ABCC8: variants seen among roughly 807,000 people sequenced by gnomAD.
ABCC8 encodes ATP binding cassette subfamily C member 8.
A neutral mutation model predicts 188.0 loss-of-function variants in ABCC8; 137 were observed. The observed-to-expected ratio is 0.73, with a 90% CI of 0.63 to 0.84. ABCC8 has a LOEUF of 0.84. Among genes scored for constraint, ABCC8 ranks in the 40% least tolerant of loss-of-function variants. The pLI, the probability that ABCC8 is intolerant of heterozygous loss-of-function variation, is 0.00. For synonymous variants in ABCC8, 797 were observed against 846.5 expected (o/e 0.94, Z 1.01); for missense variants, 1,750 against 2,072.7 (o/e 0.84, Z 3.02).
intron 5 of ABCC8, chr11:17,461,110 C>A (rs1053381095): frequency 3.2e-5 from 11 of 339,384 alleles, no homozygotes; most frequent in Non-Finnish European, 6.2e-5. Flanking sequence ...CAGCTCTGGG[C>A]AGGTCACAGC....
In ABCC8 at chr11:17,404,576, C is replaced by T. The variant is rs769818698; in HGVS notation, c.3493G>A (p.Val1165Met). The T allele has an allele frequency of 3.9e-5, 63 of 1,613,884 alleles. No homozygotes were observed. Among genetic ancestry groups the T allele is most frequent in the South Asian group, 3.7e-4 (34 of 91,080 alleles). Residue 1165 changes from valine (V) to methionine (M), a missense_variant, in exon 28 of 39, where the codon GTG becomes ATG. Val to Met is a conservative substitution (Grantham distance 21, BLOSUM62 1). Coordinates refer to ENST00000389817, the MANE Select transcript of ABCC8 (RefSeq NM_000352.6). This position sits in a 1 kb window ranked among gnomAD's most constrained non-coding sequence, Gnocchi z 4.7. ...ACGATGGCCAGGGGCAAGAGGGCCA[C>T]GAGGAACACAGGTGTGACATAGGAG... ...VISYVTPVFLVALLPLAIVCY... is the reference protein window; with the variant it reads ...VISYVTPVFLMALLPLAIVCY...
At chr11:17,444,159 C>T in intron 8 of ABCC8, 1 of 152,346 alleles carries the variant, frequency 6.6e-6, no homozygotes, top group Non-Finnish European at 1.5e-5. Context: ...TCACAGAATG[C>T]CTCCTGGCTT....
chr11:17,409,327 C>T lies in ABCC8; in HGVS notation c.2695-810G>A, dbSNP rs542152988. Among the ~76,000 whole-genome samples the T allele has an allele frequency of 6.6e-5, 10 of 152,196 alleles. 1 individual carries two copies. In the South Asian group the frequency reaches 2.1e-3, roughly 32 times the overall value. On this transcript the variant is annotated intron_variant, in intron 22 of 38. Coordinates refer to ENST00000389817, the MANE Select transcript of ABCC8 (RefSeq NM_000352.6). ...ACCTGACATTAATTCAGACACCCAC[C>T]CCTGCTGCCCTCACCCCCTCCCGCC...
intron 12 of ABCC8, 110 bp from the exon 13 acceptor site, chr11:17,428,780 T>C: frequency 6.5e-7 from 1 of 1,544,280 alleles, no homozygotes; most frequent in Non-Finnish European, 8.7e-7. Flanking sequence ...TGAAGTATAG[T>C]CCCACAAAGC....
chr11:17,442,341 G>C (rs1956348457), intron 10 of ABCC8, among the ~76,000 whole-genome samples: 1 of 152,194 alleles, frequency 6.6e-6, no homozygotes, highest in Non-Finnish European at 1.5e-5. Context: ...TGACAGCTCA[G>C]TCTGACTTAC....
At chr11:17,466,854 C>T (rs115250612) in intron 3 of ABCC8, among the ~76,000 whole-genome samples, 4,004 of 151,958 alleles carry the variant, frequency 0.026, 191 homozygotes, top group African/African-American at 0.092. Context: ...TTTGTAGAGA[C>T]GGGGTTTTGG....
intron 21 of ABCC8, 26 bp downstream of exon 21, chr11:17,412,640 A>G (rs1954868434): frequency 6.2e-7 from 1 of 1,602,860 alleles, no homozygotes; most frequent in Non-Finnish European, 8.5e-7. Context: ...GCCAGAGACC[A>G]GGACCCCAAG....
intron 8 of ABCC8, among the ~76,000 whole-genome samples, chr11:17,447,589 C>T (rs1290995821): frequency 6.6e-6 from 1 of 152,094 alleles, no homozygotes; most frequent in Admixed American, 6.5e-5. Context: ...CCACATCTGG[C>T]TAAAAAACAC....
intron 35 of ABCC8, 132 bp downstream of exon 35, chr11:17,395,478 G>A (rs772627156): frequency 1.4e-6 from 2 of 1,463,542 alleles, no homozygotes; most frequent in South Asian, 2.6e-5. Context: ...GGCCTGATGG[G>A]ATGGAGAAGG....
chr11:17,420,526 G>A (rs982932122), intron 16 of ABCC8, among the ~76,000 whole-genome samples: 8 of 152,148 alleles, frequency 5.3e-5, no homozygotes, highest in Non-Finnish European at 1.2e-4. Flanking sequence ...CTCCCCAAAG[G>A]CTCCAGGAAT....
chr11:17,471,020 C>T (rs1210131676), intron 2 of ABCC8, among the ~76,000 whole-genome samples: 1 of 152,260 alleles, frequency 6.6e-6, no homozygotes, highest in Non-Finnish European at 1.5e-5. Context: ...AAGGCCCAGG[C>T]TATGTGGCCT....
intron 2 of ABCC8, among the ~76,000 whole-genome samples, chr11:17,474,155 A>G (rs1332309944): frequency 3.3e-5 from 5 of 152,136 alleles, no homozygotes; most frequent in Non-Finnish European, 7.4e-5. Context: ...CTCACCTCCC[A>G]GAGTACTTAT....
At chr11:17,394,946 G>A (rs1000257802) in intron 36 of ABCC8, 13 of 604,700 alleles carry the variant, frequency 2.1e-5, no homozygotes, top group African/African-American at 1.5e-4. Context: ...GACTGTACCC[G>A]CTGTACCCTG....
At chr11:17,449,730 G>A (rs899007981) in intron 7 of ABCC8, among the ~76,000 whole-genome samples, 2 of 152,290 alleles carry the variant, frequency 1.3e-5, no homozygotes, top group Middle Eastern at 6.8e-3. Flanking sequence ...TGGGCTCCCC[G>A]CCCTTAATTC....
At chr11:17,406,529 A>G in intron 26 of ABCC8, 93 bp downstream of exon 26, 2 of 1,331,612 alleles carry the variant, frequency 1.5e-6, no homozygotes, top group Non-Finnish European at 2.1e-6. Flanking sequence ...AGCTTGTGAC[A>G]GGTTGTATAT....
At position 17,404,434 on chromosome 11, in the gene ABCC8, T is replaced by G; in HGVS notation, c.3557+78A>C. On this transcript the variant is annotated intron_variant, in intron 28 of 38. Transcript: ENST00000389817. The surrounding 1 kb of genome is among the most constrained non-coding windows in gnomAD (Gnocchi z 4.7). The stretch of plus-strand genomic sequence containing the variant: ...TGGAGGGAACACGACCCTATTACTC[T>G]CATAACGATGAGTCTAGCAAGTACA... The G allele has an allele frequency of 7.0e-7, 1 of 1,435,122 alleles. No homozygotes were observed. Among genetic ancestry groups the G allele is most frequent in the Non-Finnish European group, 9.8e-7 (1 of 1,017,234 alleles). The allele number at this position is 1,435,122 out of a possible 1,614,324, so 88.9% of individuals were successfully genotyped here. A position where few individuals can be genotyped will look rare whatever the true frequency, so the allele number is the denominator to read the frequency against.
At chr11:17,424,552 C>T (rs1048133065) in intron 16 of ABCC8, among the ~76,000 whole-genome samples, 9 of 152,082 alleles carry the variant, frequency 5.9e-5, no homozygotes, top group South Asian at 2.1e-4. Flanking sequence ...GAGGCAGGCA[C>T]GATGCCACAT....
intron 3 of ABCC8, among the ~76,000 whole-genome samples, chr11:17,469,381 C>T (rs570999586): frequency 2.6e-5 from 4 of 152,018 alleles, no homozygotes; most frequent in East Asian, 1.9e-4. Context: ...GTGTGAGCCA[C>T]GGCAGCCAGC....
rs1954442012 is a variant in ABCC8, at chr11:17,404,905, G to T, written c.3400-236C>A. Among the ~76,000 whole-genome samples the T allele has an allele frequency of 6.6e-6, 1 of 152,050 alleles. No individual in the cohort carries two copies. Among genetic ancestry groups the T allele is most frequent in the Non-Finnish European group, 1.5e-5 (1 of 68,014 alleles). On this transcript the variant is annotated intron_variant, in intron 27 of 38. Transcript: ENST00000389817. The surrounding 1 kb of genome is among the most constrained non-coding windows in gnomAD (Gnocchi z 4.7). ...GCTTCCCAAGTAGTTGGGATTACAG[G>T]CACCTGCCACCACACCTGGCTAATT...
Sources: gnomAD v4.1 joint callset for allele counts (sites outside exome capture counted in the v4.1 genomes callset) on GRCh38, gnomAD v4.1.1 for gene constraint, Gnocchi (gnomAD v3.1) non-coding constraint, MANE v1.5 for transcripts, NCBI Gene and HGNC (gene_info 2026-07-23, HGNC 2026-07-21) for gene names.